PRKN: variants seen among roughly 807,000 people sequenced by gnomAD.
The protein encoded by PRKN is parkin RBR E3 ubiquitin protein ligase, also known as E3 ubiquitin-protein ligase parkin.
PRKN carries 56 observed loss-of-function variants against 59.5 expected under a neutral mutation model. The observed-to-expected ratio is 0.94, with a 90% CI of 0.76 to 1.18. PRKN has a LOEUF of 1.18. PRKN is among the 50% of genes most tolerant of loss of function. The pLI is 0.00. For synonymous variants in PRKN, 250 were observed against 222.1 expected (o/e 1.13, Z -1.12); for missense variants, 657 against 596.4 (o/e 1.10, Z -1.06).
At chr6:162,584,069 C>A (rs982277856) in intron 1 of PRKN, among the ~76,000 whole-genome samples, 1 of 151,834 alleles carries the variant, frequency 6.6e-6, no homozygotes, top group Non-Finnish European at 1.5e-5. Context: ...AAAAATTAGC[C>A]GGGCGTGGTG....
intron 2 of PRKN, among the ~76,000 whole-genome samples, chr6:162,317,796 T>C (rs1211709387): frequency 6.6e-6 from 1 of 152,012 alleles, no homozygotes; most frequent in Admixed American, 6.6e-5. Context: ...CAAGTAAATG[T>C]ATATCCTGGG....
chr6:161,837,842 T>C (rs1792824316), intron 6 of PRKN, among the ~76,000 whole-genome samples: 2 of 152,060 alleles, frequency 1.3e-5, no homozygotes, highest in African/African-American at 2.4e-5. Flanking sequence ...AAAATAATAG[T>C]TTTGAGAGCT....
chr6:162,616,815 T>C (rs962344454), intron 1 of PRKN, among the ~76,000 whole-genome samples: 1 of 152,192 alleles, frequency 6.6e-6, no homozygotes, highest in Non-Finnish European at 1.5e-5. Flanking sequence ...AATCGAGAAA[T>C]GCTCTTTTAA....
intron 5 of PRKN, among the ~76,000 whole-genome samples, chr6:161,998,889 G>C (rs1781942171): frequency 6.6e-6 from 1 of 152,106 alleles, no homozygotes; most frequent in Non-Finnish European, 1.5e-5. Flanking sequence ...TATGGTGTCA[G>C]TTTGTTTCCA....
At chr6:161,374,660 ATG>A (rs1486449467) in intron 10 of PRKN, among the ~76,000 whole-genome samples, 1,746 of 120,472 alleles carry the variant, frequency 0.014, 39 homozygotes, top group African/African-American at 0.052. Flanking sequence ...TGTATGTGTG[ATG>A]TGTGTTATAT....
At chr6:161,449,202 A>G (rs1045773457) in intron 9 of PRKN, among the ~76,000 whole-genome samples, 37 of 152,338 alleles carry the variant, frequency 2.4e-4, no homozygotes, top group Middle Eastern at 3.4e-3. Flanking sequence ...AATATAAAAT[A>G]GTAATGCCCC....
chr6:161,375,983 G>A (rs1424729156), intron 10 of PRKN, among the ~76,000 whole-genome samples: 1 of 152,134 alleles, frequency 6.6e-6, no homozygotes, highest in Non-Finnish European at 1.5e-5. Context: ...AATAACCGGG[G>A]ATCTAGATCT....
intron 1 of PRKN, among the ~76,000 whole-genome samples, chr6:162,517,962 CTT>C (rs2128192643): frequency 6.6e-6 from 1 of 152,260 alleles, no homozygotes; most frequent in East Asian, 1.9e-4. Flanking sequence ...TATTAATACA[CTT>C]AGCTGGATGC....
chr6:162,148,847 A>C (rs531363450), intron 4 of PRKN, among the ~76,000 whole-genome samples: 1 of 152,262 alleles, frequency 6.6e-6, no homozygotes, highest in Non-Finnish European at 1.5e-5. Flanking sequence ...GGGAAAGAAA[A>C]GTTATAATAA....
At chr6:161,972,012 G>C (rs183107041) in intron 6 of PRKN, among the ~76,000 whole-genome samples, 12 of 152,126 alleles carry the variant, frequency 7.9e-5, no homozygotes, top group African/African-American at 2.9e-4. Context: ...GGCAGCTCAC[G>C]CCTGTAATCC....
chr6:162,305,269 T>C (rs1019676955), intron 2 of PRKN, among the ~76,000 whole-genome samples: 2 of 152,176 alleles, frequency 1.3e-5, no homozygotes, highest in Admixed American at 1.3e-4. Context: ...CAGGCCACTA[T>C]TCACTGAAAC....
chr6:161,565,259 C>T (rs964567574), intron 8 of PRKN, among the ~76,000 whole-genome samples: 2 of 152,152 alleles, frequency 1.3e-5, no homozygotes, highest in African/African-American at 2.4e-5. Context: ...TGTGCCTACA[C>T]AGATGAGTGT....
At chr6:162,688,432 T>C (rs1777647670) in intron 1 of PRKN, among the ~76,000 whole-genome samples, 1 of 152,188 alleles carries the variant, frequency 6.6e-6, no homozygotes, top group Non-Finnish European at 1.5e-5. Context: ...AGTTCAATAT[T>C]TGTGTGATAT....
chr6:162,687,932 T>C (rs1562497854), intron 1 of PRKN, among the ~76,000 whole-genome samples: 1 of 152,012 alleles, frequency 6.6e-6, no homozygotes, highest in Non-Finnish European at 1.5e-5. Flanking sequence ...GCTCTTAGAA[T>C]AAAAAAAGGA....
At chr6:162,213,946 TC>T (rs1466244604) in intron 3 of PRKN, among the ~76,000 whole-genome samples, 1 of 151,752 alleles carries the variant, frequency 6.6e-6, no homozygotes, top group African/African-American at 2.4e-5. Flanking sequence ...TTTCCCATGA[TC>T]CTGTGTTCTA....
intron 1 of PRKN, among the ~76,000 whole-genome samples, chr6:162,570,930 A>G (rs774647094): frequency 2.0e-5 from 3 of 152,230 alleles, no homozygotes; most frequent in Non-Finnish European, 4.4e-5. Flanking sequence ...AATAACTTAA[A>G]GAGTGTAATT....
At chr6:162,660,381 C>T (rs1469987423) in intron 1 of PRKN, among the ~76,000 whole-genome samples, 1 of 152,176 alleles carries the variant, frequency 6.6e-6, no homozygotes, top group East Asian at 1.9e-4. Flanking sequence ...TTCTCTAGTT[C>T]TGCCCACTAA....
At chr6:162,658,845 T>A (rs1487162698) in intron 1 of PRKN, among the ~76,000 whole-genome samples, 1 of 152,054 alleles carries the variant, frequency 6.6e-6, no homozygotes, top group Non-Finnish European at 1.5e-5. Flanking sequence ...CAAGACAAAC[T>A]ATATTTTAAA....
Position 161,386,191 on chromosome 6 carries a change from T to G in PRKN, c.1167+603A>C, listed in dbSNP as rs1046967362. On this transcript the variant is annotated intron_variant, in intron 10 of 11. Transcript: ENST00000366898. This position sits in a 1 kb window ranked among gnomAD's most constrained non-coding sequence, Gnocchi z 4.3. ...TCATCTACTGTGATGACGTTTTTAC[T>G]CTTTTTCCCTGAAGGTTTGGTTGAT... Among the ~76,000 whole-genome samples, 5 of 152,220 alleles carry G rather than the reference T, an allele frequency of 3.3e-5. No homozygotes were observed. The highest frequency in any genetic ancestry group is 1.3e-4 in the Admixed American group (2 of 15,282).
Sources: gnomAD v4.1 joint callset for allele counts (sites outside exome capture counted in the v4.1 genomes callset) on GRCh38, gnomAD v4.1.1 for gene constraint, Gnocchi (gnomAD v3.1) non-coding constraint, MANE v1.5 for transcripts, NCBI Gene and HGNC (gene_info 2026-07-23, HGNC 2026-07-21) for gene names.